The following FLG variants were observed in gnomAD, a reference collection of about 807,000 sequenced individuals.
The protein encoded by FLG is filaggrin.
In FLG, 6 loss-of-function variants were observed where a neutral mutation model predicts 3.8. The ratio of observed to expected loss-of-function variants is 1.60; its 90% CI spans 0.87 to 3.15. FLG has a LOEUF of 3.15. Ranked by LOEUF, FLG falls within the 30% of genes most tolerant of loss-of-function variation. The probability of loss-of-function intolerance (pLI) is 0.00; values close to 1 mark genes in which losing one functional copy is unlikely to be tolerated. For synonymous variants in FLG, 2,551 were observed against 1,931.6 expected (o/e 1.32, Z -8.41); for missense variants, 7,595 against 5,050.9 (o/e 1.50, Z -15.27).
Position 152,312,941 on chromosome 1 carries a change from C to T in FLG, c.1945G>A (p.Ala649Thr), listed in dbSNP as rs375044373. ...GAGCCATCTCTTGACTGCTCCTGAG[C>T]AGATCCATGATGGTTTCTGGAAGCA... ...GSASRNHHGSAQEQSRDGSRH... is the reference protein window; with the variant it reads ...GSASRNHHGSTQEQSRDGSRH... Residue 649 changes from alanine (A) to threonine (T), a missense_variant, in exon 3 of 3, where the codon GCT becomes ACT. Physicochemically the swap from Ala to Thr is moderately conservative, Grantham distance 58. Coordinates refer to ENST00000368799, the MANE Select transcript of FLG (RefSeq NM_002016.2). The T allele has an allele frequency of 7.4e-6, 12 of 1,614,018 alleles. No individual in the cohort carries two copies. Among genetic ancestry groups the T allele is most frequent in the Non-Finnish European group, 9.3e-6 (11 of 1,180,018 alleles).
rs145528116 is a variant in FLG at position 152,309,142 on chromosome 1, C to A, written c.5744G>T (p.Gly1915Val). 3 of 1,613,608 alleles carry A rather than the reference C, an allele frequency of 1.9e-6. No homozygotes were observed. In the African/African-American group the frequency reaches 4.0e-5, roughly 22 times the overall value. The change falls in exon 3 of 3, where the codon GGA becomes GTA. Residue 1915 changes from glycine (G) to valine (V), a missense_variant. By Grantham distance (109) the Gly-to-Val change is moderately radical. Coordinates refer to ENST00000368799, the MANE Select transcript of FLG (RefSeq NM_002016.2). Reference protein sequence around the residue: ...SSGPRTSRNQGSSVSQDSDSQ... With the variant: ...SSGPRTSRNQVSSVSQDSDSQ... ...GTCACTGTCCTGGCTAACACTGGAT[C>A]CCTGGTTCCTGCTTGTCCTGGGCCC... is the stretch of plus-strand genomic sequence containing the variant.
At chr1:152,317,470 A>G (rs1652822413) in intron 1 of FLG, among the ~76,000 whole-genome samples, 2 of 152,080 alleles carry the variant, frequency 1.3e-5, no homozygotes, top group African/African-American at 2.4e-5. Flanking sequence ...TTTATTTTAC[A>G]TATTACTTGA....
At position 152,303,643 on chromosome 1, in the gene FLG, T is replaced by C. The variant is rs1651739310; in HGVS notation, c.11243A>G (p.His3748Arg). Residue 3748 changes from histidine to arginine, a missense_variant, in exon 3 of 3, where the codon CAC becomes CGC. His to Arg is a conservative substitution (Grantham distance 29, BLOSUM62 0). Transcript: ENST00000368799. ...RHEQARDSSR[H>R]SASQEGQDTI... ...GTCCTGACCCTCTTGGGACGCTGAGTGCCTGGAGCTGTCTCGTGCCTGCTC... is the reference window on the plus strand; with the variant it reads ...GTCCTGACCCTCTTGGGACGCTGAGCGCCTGGAGCTGTCTCGTGCCTGCTC... 1.2e-6 allele frequency: 2 copies of C among 1,613,980 alleles called. No homozygotes were observed. Among genetic ancestry groups the C allele is most frequent in the Non-Finnish European group, 1.7e-6 (2 of 1,179,966 alleles).
rs771878301 is a variant in FLG, at chr1:152,311,939, T to C, written c.2947A>G (p.Arg983Gly). The C allele has an allele frequency of 5.0e-6, 8 of 1,614,006 alleles. No individual in the cohort carries two copies. In the African/African-American group the frequency reaches 9.3e-5, roughly 19 times the overall value. The change falls in exon 3 of 3, where the codon AGA becomes GGA. Residue 983 changes from arginine (R) to glycine (G), a missense_variant. Coordinates refer to ENST00000368799, the MANE Select transcript of FLG (RefSeq NM_002016.2). ...SAQEQSRHGS[R>G]HPRSHHEDRA... is the part of the protein sequence containing the mutation. ...TCTTCGTGATGGGACCTGGGGTGTC[T>C]GGAGCCATGTCTTGACTGCTCCTGA...
At chr1:152,321,905 T>C (rs1296391453) in intron 1 of FLG, among the ~76,000 whole-genome samples, 1 of 151,172 alleles carries the variant, frequency 6.6e-6, no homozygotes, top group Non-Finnish European at 1.5e-5. Context: ...TGAAAGAATA[T>C]AATAGCAGAC....
At position 152,303,421 on chromosome 1, in the gene FLG, C is replaced by G. The variant is rs146684366; in HGVS notation, c.11465G>C (p.Gly3822Ala). Residue 3822 changes from glycine (G) to alanine (A), a missense_variant, in exon 3 of 3, where the codon GGC becomes GCC. Gly to Ala is a moderately conservative substitution (Grantham distance 60). Transcript: ENST00000368799. ...GTGACGCGACCCTGAGTGCCTGGAGCCGTCTCCTGACTGTTCCTCATTACG... is the reference window on the plus strand; with the variant it reads ...GTGACGCGACCCTGAGTGCCTGGAGGCGTCTCCTGACTGTTCCTCATTACG... Reference protein sequence around the residue: ...ETRNEEQSGDGSRHSGSRHHE... With the variant: ...ETRNEEQSGDASRHSGSRHHE... The G allele has an allele frequency of 3.2e-5, 51 of 1,614,030 alleles. No individual in the cohort carries two copies. The highest frequency in any genetic ancestry group is 1.7e-4 in the Admixed American group (10 of 59,984).
rs1427792884 is a variant in FLG at position 152,310,118 on chromosome 1, G to T, written c.4768C>A (p.Gln1590Lys). Residue 1590 changes from glutamine to lysine, a missense_variant, in exon 3 of 3, where the codon CAG (glutamine) becomes AAG (lysine). Coordinates refer to ENST00000368799, the MANE Select transcript of FLG (RefSeq NM_002016.2). ...CTGTCCTGACTAACACTGGATCCCT[G>T]GCGCCTGCTTGTCTTGGACCCCGCT... ...ESAGSKTSRR[Q>K]GSSVSQDRDS... 2.5e-6 allele frequency: 4 copies of T among 1,613,810 alleles called. No individual in the cohort carries two copies. Among genetic ancestry groups the T allele is most frequent in the African/African-American group, 2.7e-5 (2 of 74,810 alleles).
Position 152,308,711 on chromosome 1 carries a change from C to G in FLG, c.6175G>C (p.Val2059Leu), listed in dbSNP as rs775214195. Residue 2059 changes from valine to leucine, a missense_variant, in exon 3 of 3, where the codon GTG becomes CTG. Coordinates refer to ENST00000368799, the MANE Select transcript of FLG (RefSeq NM_002016.2). Reference protein sequence around the residue: ...GHSEDSDTQSVSAQGKAGPHQ... With the variant: ...GHSEDSDTQSLSAQGKAGPHQ... ...GGCCCAGCTTTTCCCTGTGCTGACA[C>G]TGACTGTGTGTCTGAGTCTTCTGAA... is the stretch of plus-strand genomic sequence containing the variant. 1 of 1,614,172 alleles carries G rather than the reference C, an allele frequency of 6.2e-7. No individual in the cohort carries two copies. Among genetic ancestry groups the G allele is most frequent in the Admixed American group, 1.7e-5 (1 of 60,032 alleles).
In FLG at chr1:152,312,331, C is replaced by T; in HGVS notation, c.2555G>A (p.Arg852Lys). The change falls in exon 3 of 3, where the codon AGG (arginine) becomes AAG (lysine). Residue 852 changes from arginine to lysine, a missense_variant. Transcript: ENST00000368799. ...RGHPGSSRRG[R>K]QGSHHEQSVD... is the part of the protein sequence containing the mutation. ...CGATTGCTCGTGGTGGGACCCCTGC[C>T]TTCCTCTTCTGCTTGACCCCGGGTG... The T allele has an allele frequency of 6.2e-7, 1 of 1,613,194 alleles. No individual in the cohort carries two copies. Among genetic ancestry groups the T allele is most frequent in the Non-Finnish European group, 8.5e-7 (1 of 1,179,758 alleles).
At position 152,312,590 on chromosome 1, in the gene FLG, C is replaced by A. The variant is rs779197735; in HGVS notation, c.2296G>T (p.Gly766Ter). Residue 766 changes from glycine (G) to a stop codon, truncating the protein, a stop_gained, in exon 3 of 3, where the codon GGA becomes TGA. Transcript: ENST00000368799. LOFTEE classifies it low-confidence loss of function (END_TRUNC). ...CTCTGCTGATGGTGACCAGCCTGTC[C>A]ATGGCCTGACACTGACTGTGTGTCT... ...DSDTQSVSGH[G>*]QAGHHQQSHQ... The A allele has an allele frequency of 4.3e-6, 7 of 1,613,730 alleles. No homozygotes were observed. In the South Asian group the frequency reaches 6.6e-5, roughly 15 times the overall value.
Position 152,305,056 on chromosome 1 carries a change from C to T in FLG, c.9830G>A (p.Arg3277His), listed in dbSNP as rs550176166. The T allele has an allele frequency of 1.3e-4, 203 of 1,613,260 alleles. No homozygotes were observed. Among genetic ancestry groups the T allele is most frequent in the Non-Finnish European group, 1.4e-4 (170 of 1,179,392 alleles). ...SADRSRQSGT[R>H]HAETSSGGQA... is the part of the protein sequence containing the mutation. ...TCCACCAGAGGAAGTCTCTGCGTGA[C>T]GAGTGCCTGATTGTCTGGAGCGGTC... The change falls in exon 3 of 3, where the codon CGT becomes CAT. Residue 3277 changes from arginine (R) to histidine (H), a missense_variant. Physicochemically the swap from Arg to His is conservative, Grantham distance 29. Transcript: ENST00000368799.
rs773765134 is a variant in FLG at position 152,305,208 on chromosome 1, T to C, written c.9678A>G (p.Glu3226=). The C allele has an allele frequency of 2.2e-5, 35 of 1,613,292 alleles. 1 individual carries two copies. In the South Asian group the frequency reaches 3.8e-4, roughly 18 times the overall value. The part of the protein sequence containing the change: ...SQDSDSEGHS[E]DSERWSGSAS... ...CAGACCCAGACCACCTCTCAGAGTC[T>C]TCTGAATGTCCCTCACTGTCACTGT... Residue 3226 remains glutamate (E), a synonymous_variant, in exon 3 of 3, where the codon GAA becomes GAG. Coordinates refer to ENST00000368799, the MANE Select transcript of FLG (RefSeq NM_002016.2).
chr1:152,303,689 C>T lies in FLG; in HGVS notation c.11197G>A (p.Gly3733Arg), dbSNP rs571014503. 6.2e-7 allele frequency: 1 copy of T among 1,614,040 alleles called. No homozygotes were observed. The highest frequency in any genetic ancestry group is 2.2e-5 in the East Asian group (1 of 44,846). ...TGCTCGTGGCGGGATCCTTGTCTTC[C>T]TCCAGTACTGGGCCCAGCCCGTCCA... ...AHGRAGPSTG[G>R]RQGSRHEQAR... The change falls in exon 3 of 3, where the codon GGA (glycine) becomes AGA (arginine). Residue 3733 changes from glycine to arginine, a missense_variant. By Grantham distance (125) the Gly-to-Arg change is moderately radical. Transcript: ENST00000368799.
Position 152,308,236 on chromosome 1 carries a change from G to T in FLG, c.6650C>A (p.Ala2217Asp). 4 of 1,613,980 alleles carry T rather than the reference G, an allele frequency of 2.5e-6. No individual in the cohort carries two copies. Among genetic ancestry groups the T allele is most frequent in the Non-Finnish European group, 3.4e-6 (4 of 1,179,932 alleles). Residue 2217 changes from alanine (A) to aspartate (D), a missense_variant, in exon 3 of 3, where the codon GCC (alanine) becomes GAC (aspartate). Ala to Asp is a moderately radical substitution (Grantham distance 126). Transcript: ENST00000368799. ...CACCAGTGAGTGTCTAGAGCTGTCG[G>T]CCCAAGAGGAAGCTTCATGATGATG... Reference protein sequence around the residue: ...GSHHHEASSWADSSRHSLVGQ... With the variant: ...GSHHHEASSWDDSSRHSLVGQ...
rs1175183056 is a variant in FLG, at chr1:152,309,305, A to T, written c.5581T>A (p.Ser1861Thr). The change falls in exon 3 of 3, where the codon TCC becomes ACC. Residue 1861 changes from serine (S) to threonine (T), a missense_variant. Physicochemically the swap from Ser to Thr is moderately conservative, Grantham distance 58. Transcript: ENST00000368799. ...RSDVSRGQSG[S>T]RSVSRQTRNE... is the part of the protein sequence containing the mutation. ...CGTGTTTGTCTGCTGACACTTCTGG[A>T]TCCTGACTGCCCACGGGAGACATCA... 5 of 1,613,320 alleles carry T rather than the reference A, an allele frequency of 3.1e-6. No individual in the cohort carries two copies. Among genetic ancestry groups the T allele is most frequent in the Non-Finnish European group, 4.2e-6 (5 of 1,179,872 alleles).
At chr1:152,323,914 G>A (rs1012708127) in intron 1 of FLG, among the ~76,000 whole-genome samples, 3 of 151,746 alleles carry the variant, frequency 2.0e-5, no homozygotes, top group Non-Finnish European at 2.9e-5. Context: ...TGAATAAATT[G>A]TTATATTTTC....
In FLG at chr1:152,308,133, T is replaced by C. The variant is rs754813597; in HGVS notation, c.6753A>G (p.Gly2251=). ...ACCGCCTCTCAGAATCTTCTGAGTG[T>C]CCCTCACTGTCACTGTCCTGGCTAA... ...SSVSQDSDSE[G]HSEDSERRSG... The change falls in exon 3 of 3, where the codon GGA becomes GGG. Residue 2251 remains glycine (G), a synonymous_variant. Coordinates refer to ENST00000368799, the MANE Select transcript of FLG (RefSeq NM_002016.2). The C allele has an allele frequency of 2.8e-5, 45 of 1,613,946 alleles. No individual in the cohort carries two copies. The highest frequency in any genetic ancestry group is 3.3e-4 in the Middle Eastern group (2 of 6,084).
Position 152,314,390 on chromosome 1 carries a change from G to T in FLG, c.496C>A (p.Pro166Thr). Residue 166 changes from proline (P) to threonine (T), a missense_variant, in exon 3 of 3, where the codon CCT becomes ACT. Transcript: ENST00000368799. The stretch of plus-strand genomic sequence containing the variant: ...CCATATTCTTCTTCTCTATGAGTAG[G>T]TGAATATCCTTTTCTTTCTTTTTTT... The part of the protein sequence containing the change: ...SEKKERKGYS[P>T]THREEEYGKN... 6.2e-7 allele frequency: 1 copy of T among 1,612,600 alleles called. No homozygotes were observed.
At position 152,313,404 on chromosome 1, in the gene FLG, T is replaced by A; in HGVS notation, c.1482A>T (p.Gly494=). The A allele has an allele frequency of 6.2e-7, 1 of 1,613,818 alleles. No homozygotes were observed. Among genetic ancestry groups the A allele is most frequent in the Non-Finnish European group, 8.5e-7 (1 of 1,179,942 alleles). The change falls in exon 3 of 3, where the codon GGA becomes GGT. Residue 494 remains glycine (G), a synonymous_variant. Transcript: ENST00000368799. ...TGTCTCGTGCCTGCTCGTGGTGCGATCCTTGTCTTCCTCCAGTGCTGGTCC... is the reference window on the plus strand; with the variant it reads ...TGTCTCGTGCCTGCTCGTGGTGCGAACCTTGTCTTCCTCCAGTGCTGGTCC... The part of the protein sequence containing the change: ...RTGTSTGGRQ[G]SHHEQARDSS...
Sources: allele counts gnomAD v4.1 joint callset (sites outside exome capture counted in the v4.1 genomes callset), GRCh38; gene constraint gnomAD v4.1.1; transcripts MANE v1.5; gene names NCBI Gene and HGNC (gene_info 2026-07-23, HGNC 2026-07-21).